RIMS1: variants seen among roughly 807,000 people sequenced by gnomAD.
RIMS1 encodes regulating synaptic membrane exocytosis 1.
RIMS1 carries 83 observed loss-of-function variants against 214.1 expected under a neutral mutation model. The ratio of observed to expected loss-of-function variants is 0.39; its 90% confidence interval spans 0.32 to 0.47. The LOEUF is 0.47. RIMS1 is among the 20% of genes least tolerant of loss of function. The pLI is 0.99. For missense variants in RIMS1, 2,050 were observed against 2,161.8 expected, an observed-to-expected ratio of 0.95 and a Z score of 1.03; for synonymous variants, 793 against 786.8, an observed-to-expected ratio of 1.01 and a Z score of -0.13.
At chr6:72,035,901 A>T (rs1055380812) in intron 2 of RIMS1, among the ~76,000 whole-genome samples, 2 of 152,178 alleles carry the variant, frequency 1.3e-5, no homozygotes, top group African/African-American at 4.8e-5. Flanking sequence ...ACCAAGTAAT[A>T]CTTTTGAATA....
chr6:72,265,196 A>C (rs1591211675), intron 20 of RIMS1, 144 bp downstream of exon 20: 1 of 621,562 alleles, frequency 1.6e-6, no homozygotes, highest in East Asian at 2.9e-5. Context: ...ATAATTATAC[A>C]GTGAGAGACA....
chr6:71,918,360 T>C (rs1779036607), intron 1 of RIMS1, among the ~76,000 whole-genome samples: 1 of 152,142 alleles, frequency 6.6e-6, no homozygotes, highest in African/African-American at 2.4e-5. Context: ...TCCTGCCAGA[T>C]GCTTCTGAGG....
At chr6:72,393,125 A>G (rs1429516883) in intron 31 of RIMS1, among the ~76,000 whole-genome samples, 3 of 151,832 alleles carry the variant, frequency 2.0e-5, no homozygotes, top group Admixed American at 6.6e-5. Context: ...GTATAGTAAC[A>G]TAACTATTTA....
intron 1 of RIMS1, among the ~76,000 whole-genome samples, chr6:71,926,206 C>A (rs757356658): frequency 6.6e-6 from 1 of 152,184 alleles, no homozygotes; most frequent in African/African-American, 2.4e-5. Context: ...GCTGGGATTA[C>A]AGGTTTGAGC....
At chr6:72,355,828 C>T (rs2097613236) in intron 29 of RIMS1, among the ~76,000 whole-genome samples, 1 of 152,134 alleles carries the variant, frequency 6.6e-6, no homozygotes, top group Admixed American at 6.6e-5. Context: ...CCTCCCCCAA[C>T]AATAACAAAA....
At chr6:72,377,711 A>G (rs73538248) in intron 29 of RIMS1, among the ~76,000 whole-genome samples, 1,571 of 152,320 alleles carry the variant, frequency 0.01, 22 homozygotes, top group African/African-American at 0.036. Flanking sequence ...TTTTATATAT[A>G]CAGACATATA....
At chr6:72,158,969 C>T (rs1297217018) in intron 4 of RIMS1, among the ~76,000 whole-genome samples, 2 of 140,088 alleles carry the variant, frequency 1.4e-5, no homozygotes, top group South Asian at 2.4e-4. Flanking sequence ...CCTGAGGAAT[C>T]GCCACACTGA....
At chr6:72,023,380 A>G (rs560711016) in intron 2 of RIMS1, among the ~76,000 whole-genome samples, 1 of 152,304 alleles carries the variant, frequency 6.6e-6, no homozygotes, top group South Asian at 2.1e-4. Flanking sequence ...TAAATAATTC[A>G]TATGTAATTC....
At chr6:71,965,514 C>T (rs975748765) in intron 1 of RIMS1, among the ~76,000 whole-genome samples, 3 of 152,142 alleles carry the variant, frequency 2.0e-5, no homozygotes, top group South Asian at 4.1e-4. Context: ...TAGTTTCTCC[C>T]GTGTGTACGT....
chr6:72,356,525 G>T (rs1040140753), intron 29 of RIMS1, among the ~76,000 whole-genome samples: 3 of 152,032 alleles, frequency 2.0e-5, no homozygotes, highest in Non-Finnish European at 4.4e-5. Context: ...TTGGGAGTCC[G>T]AGGCAGGTGG....
rs914439146 is a variant in RIMS1, at chr6:72,125,631, G to C, written c.471+25645G>C. On this transcript the variant is annotated intron_variant, in intron 4 of 33. Coordinates refer to ENST00000521978, the MANE Select transcript of RIMS1 (RefSeq NM_014989.7). ...TGCAGGCAGGCCTCACTGAGCTGCA[G>C]TGGGGTCCACCCAGTTCGAGCTTCC... Among the ~76,000 whole-genome samples the C allele has an allele frequency of 2.0e-5, 3 of 152,366 alleles. No homozygotes were observed. In the East Asian group the frequency reaches 5.8e-4, roughly 29 times the overall value.
chr6:72,266,935 G>A (rs1222688860), intron 22 of RIMS1, among the ~76,000 whole-genome samples: 1 of 151,932 alleles, frequency 6.6e-6, no homozygotes. Context: ...CTTCTTAGTA[G>A]GCTACTTAAA....
chr6:72,375,289 C>G (rs1283846514), intron 29 of RIMS1, among the ~76,000 whole-genome samples: 1 of 152,172 alleles, frequency 6.6e-6, no homozygotes, highest in African/African-American at 2.4e-5. Flanking sequence ...TGATTTTTAT[C>G]TCTCTTCTTA....
At chr6:72,316,648 C>T in intron 28 of RIMS1, 1 of 517,924 alleles carries the variant, frequency 1.9e-6, no homozygotes, top group South Asian at 1.7e-5. Flanking sequence ...CACCAGGTCC[C>T]AAGCATGGCT....
At chr6:71,889,406 T>A (rs1406085500) in intron 1 of RIMS1, among the ~76,000 whole-genome samples, 1 of 152,248 alleles carries the variant, frequency 6.6e-6, no homozygotes, top group Non-Finnish European at 1.5e-5. Flanking sequence ...TTCCTGTGAC[T>A]GCTTTCTACT....
At chr6:71,919,227 G>A (rs1055156241) in intron 1 of RIMS1, among the ~76,000 whole-genome samples, 3 of 152,094 alleles carry the variant, frequency 2.0e-5, no homozygotes, top group African/African-American at 7.2e-5. Context: ...TAGTGTCAGT[G>A]GGGAGAGATA....
chr6:72,300,014 A>G (rs921545120), intron 26 of RIMS1, among the ~76,000 whole-genome samples: 1 of 151,842 alleles, frequency 6.6e-6, no homozygotes, highest in African/African-American at 2.4e-5. Context: ...AACACTTATT[A>G]TGAATCTTAA....
intron 2 of RIMS1, among the ~76,000 whole-genome samples, chr6:72,010,233 T>C (rs1473245771): frequency 6.6e-6 from 1 of 152,128 alleles, no homozygotes; most frequent in Non-Finnish European, 1.5e-5. Context: ...AAAAAACACA[T>C]GATTATCTCA....
intron 29 of RIMS1, among the ~76,000 whole-genome samples, chr6:72,353,076 C>T (rs567870960): frequency 1.7e-4 from 25 of 146,886 alleles, no homozygotes; most frequent in African/African-American, 2.8e-4. Flanking sequence ...CTGCAACTTC[C>T]GTCTCCCGGG....
Sources: gnomAD v4.1 joint callset for allele counts (sites outside exome capture counted in the v4.1 genomes callset) on GRCh38, gnomAD v4.1.1 for gene constraint, MANE v1.5 for transcripts, NCBI Gene and HGNC (gene_info 2026-07-23, HGNC 2026-07-21) for gene names.